Variants in SPATS2L observed in about 807,000 individuals in gnomAD.
The protein encoded by SPATS2L is spermatogenesis associated serine rich 2 like.
Under a neutral mutation model 59.6 loss-of-function variants are expected in SPATS2L, and 30 were observed. That is an observed-to-expected ratio of 0.50 (90% confidence interval 0.38 to 0.68). The LOEUF (loss-of-function observed/expected upper bound fraction) is 0.68. Ranked by LOEUF, SPATS2L falls within the 30% of genes least tolerant of loss-of-function variation. The pLI, the probability that SPATS2L is intolerant of heterozygous loss-of-function variation, is 0.00. For synonymous variants in SPATS2L, 252 were observed against 263.5 expected (o/e 0.96, Z 0.42); for missense variants, 615 against 700.0 (o/e 0.88, Z 1.37).
intron 2 of SPATS2L, among the ~76,000 whole-genome samples, chr2:200,339,976 A>G (rs1295452998): frequency 2.0e-5 from 3 of 152,112 alleles, no homozygotes; most frequent in Non-Finnish European, 4.4e-5. Context: ...GGAATCGTTC[A>G]CACTGCAATT....
At chr2:200,348,573 G>A (rs1277317738) in intron 2 of SPATS2L, among the ~76,000 whole-genome samples, 1 of 152,176 alleles carries the variant, frequency 6.6e-6, no homozygotes, top group Admixed American at 6.5e-5. Flanking sequence ...AGGACAGTGG[G>A]GCTAGGTGGA....
Position 200,319,768 on chromosome 2 carries a change from TCCAAG to T in SPATS2L, c.-72-9660_-72-9656del, listed in dbSNP as rs563006935. 3.7e-4 allele frequency among the ~76,000 whole-genome samples: 56 copies of T among 152,254 alleles called. 1 individual carries two copies. In the South Asian group the frequency reaches 0.011, roughly 29 times the overall value. ...TTCACATACGAAGCTAAAGAAAACT[TCCAAG>T]CCTTTTTTCCTAACAACTGCTACAA... On this transcript the variant is annotated intron_variant, in intron 1 of 12. Transcript: ENST00000409140.
rs1016463532 is a variant in SPATS2L at position 200,425,154 on chromosome 2, C to T, written c.445+5658C>T. On this transcript the variant is annotated intron_variant, in intron 6 of 12. Coordinates refer to ENST00000409140, the MANE Select transcript of SPATS2L (RefSeq NM_001100423.2). ...CCCCCCCCCCCCCCCGCCATTTGTGCTTCCTGTAACAAACAACAACAAAAA... is the reference window on the plus strand; with the variant it reads ...CCCCCCCCCCCCCCCGCCATTTGTGTTTCCTGTAACAAACAACAACAAAAA... Among the ~76,000 whole-genome samples the T allele has an allele frequency of 5.6e-5, 7 of 124,634 alleles. No individual in the cohort carries two copies. In the Admixed American group the frequency reaches 5.6e-4, roughly 10 times the overall value. The allele number at this position is 124,634 out of a possible 152,430, so 81.8% of individuals were successfully genotyped here. A position where few individuals can be genotyped will look rare whatever the true frequency, so the allele number is the denominator to read the frequency against.
At chr2:200,380,013 T>A (rs557023182) in intron 2 of SPATS2L, among the ~76,000 whole-genome samples, 1 of 152,142 alleles carries the variant, frequency 6.6e-6, no homozygotes, top group African/African-American at 2.4e-5. Flanking sequence ...GAGCCAGCAT[T>A]GGGTCACTTT....
At chr2:200,355,290 A>ACATAT (rs2080876334) in intron 2 of SPATS2L, among the ~76,000 whole-genome samples, 1 of 152,244 alleles carries the variant, frequency 6.6e-6, no homozygotes, top group Non-Finnish European at 1.5e-5. Context: ...CTCACCCCAG[A>ACATAT]CATAGCCTCT....
intron 2 of SPATS2L, among the ~76,000 whole-genome samples, chr2:200,367,966 A>G (rs909444461): frequency 3.9e-5 from 6 of 152,266 alleles, no homozygotes; most frequent in African/African-American, 1.4e-4. Context: ...AAACAGCGTT[A>G]TAAGAAAGTA....
At chr2:200,471,644 A>G (rs945240617) in intron 11 of SPATS2L, among the ~76,000 whole-genome samples, 2 of 152,160 alleles carry the variant, frequency 1.3e-5, no homozygotes, top group African/African-American at 2.4e-5. Context: ...TCTGCAGACA[A>G]TAATGACCCC....
At chr2:200,401,057 T>C (rs1030876906) in intron 3 of SPATS2L, among the ~76,000 whole-genome samples, 3 of 152,222 alleles carry the variant, frequency 2.0e-5, no homozygotes, top group African/African-American at 7.2e-5. Flanking sequence ...AGCCAGGTGA[T>C]TCTGCTACTT....
At chr2:200,360,681 ATTTC>A (rs1196162258) in intron 2 of SPATS2L, among the ~76,000 whole-genome samples, 1 of 152,062 alleles carries the variant, frequency 6.6e-6, no homozygotes, top group Non-Finnish European at 1.5e-5. Context: ...ACAATATGGG[ATTTC>A]CTCTAAATAA....
chr2:200,306,663 G>C, upstream of SPATS2L: 1 of 987,676 alleles, frequency 1.0e-6, no homozygotes, highest in Non-Finnish European at 1.2e-6. Context: ...CGAGGGGCGG[G>C]AGTGTCCCTG....
intron 2 of SPATS2L, among the ~76,000 whole-genome samples, chr2:200,336,481 T>TA (rs1384343829): frequency 1.3e-5 from 2 of 152,226 alleles, no homozygotes; most frequent in Admixed American, 6.5e-5. Flanking sequence ...AAAGGCTACT[T>TA]ACTGCTCATA....
intron 2 of SPATS2L, among the ~76,000 whole-genome samples, chr2:200,363,071 G>C (rs186031901): frequency 6.6e-6 from 1 of 152,032 alleles, no homozygotes; most frequent in Admixed American, 6.6e-5. Flanking sequence ...ATTGCCCCTC[G>C]ATCCAGATCC....
intron 8 of SPATS2L, among the ~76,000 whole-genome samples, chr2:200,450,954 C>T (rs562565747): frequency 2.4e-4 from 36 of 152,164 alleles, no homozygotes; most frequent in African/African-American, 8.4e-4. Flanking sequence ...AAAGAAGATT[C>T]CATGCAGAAG....
intron 4 of SPATS2L, among the ~76,000 whole-genome samples, chr2:200,413,352 A>C (rs910327908): frequency 2.0e-5 from 3 of 152,196 alleles, no homozygotes; most frequent in Non-Finnish European, 2.9e-5. Context: ...TAGGTAGTCC[A>C]TTGCCAGAGA....
chr2:200,364,554 C>G lies in SPATS2L; in HGVS notation c.-22-24669C>G, dbSNP rs138947295. 6.8e-3 allele frequency among the ~76,000 whole-genome samples: 1,043 copies of G among 152,282 alleles called. 14 individuals carry two copies. Among genetic ancestry groups the G allele is most frequent in the African/African-American group, 0.022 (931 of 41,556 alleles). The stretch of plus-strand genomic sequence containing the variant: ...AGTCACTTTAAGGGGACTTTGAAGT[C>G]TCTCCTAGGGTTCATCATTTATTGA... On this transcript the variant is annotated intron_variant, in intron 2 of 12. Coordinates refer to ENST00000409140, the MANE Select transcript of SPATS2L (RefSeq NM_001100423.2).
In SPATS2L at chr2:200,412,404, C is replaced by A. The variant is rs1418235147; in HGVS notation, c.133C>A (p.Gln45Lys). The A allele has an allele frequency of 1.9e-6, 3 of 1,598,332 alleles. No homozygotes were observed. The highest frequency in any genetic ancestry group is 2.6e-6 in the Non-Finnish European group (3 of 1,171,412). Residue 45 changes from glutamine (Q) to lysine (K), a missense_variant, in exon 4 of 13, where the codon CAA (glutamine) becomes AAA (lysine). Physicochemically the swap from Gln to Lys is moderately conservative, Grantham distance 53. Around this residue, in one of 3 missense-constraint regions of SPATS2L, gnomAD observed 227 missense variants for 257.4 expected, o/e 0.88. Coordinates refer to ENST00000409140, the MANE Select transcript of SPATS2L (RefSeq NM_001100423.2). ...QFDFNVDKAV[Q>K]AFVDGSAIQV... ...TGATTTTAATGTGGATAAAGCCGTG[C>A]AAGCCTTTGTGGATGGTAGGTATAC...
intron 6 of SPATS2L, among the ~76,000 whole-genome samples, chr2:200,421,687 C>G (rs2083311811): frequency 6.6e-6 from 1 of 152,188 alleles, no homozygotes; most frequent in African/African-American, 2.4e-5. Flanking sequence ...CAAAAATAAC[C>G]TATTTCATTT....
chr2:200,388,904 G>A (rs2082082893), intron 2 of SPATS2L, among the ~76,000 whole-genome samples: 1 of 152,154 alleles, frequency 6.6e-6, no homozygotes, highest in Admixed American at 6.5e-5. Context: ...AATAGGTACG[G>A]TTTCCCTTCT....
chr2:200,425,144 G>A (rs1331340543), intron 6 of SPATS2L, among the ~76,000 whole-genome samples: 22 of 18,792 alleles, frequency 1.2e-3, no homozygotes, highest in East Asian at 6.9e-3. Flanking sequence ...CCCCCCCCCC[G>A]CCATTTGTGC....
Sources: gnomAD v4.1 joint callset for allele counts (sites outside exome capture counted in the v4.1 genomes callset) on GRCh38, gnomAD v4.1.1 for gene constraint, gnomAD v4.1.1 regional missense constraint, MANE v1.5 for transcripts, NCBI Gene and HGNC (gene_info 2026-07-23, HGNC 2026-07-21) for gene names.